CSE1L: variants seen among roughly 807,000 people sequenced by gnomAD.
CSE1L encodes the protein exportin-2.
A neutral mutation model predicts 120.4 loss-of-function variants in CSE1L; 24 were observed. The observed-to-expected ratio is 0.20, with a 90% CI of 0.14 to 0.28. CSE1L has a LOEUF of 0.28. Among genes scored for constraint, CSE1L ranks in the 10% least tolerant of loss-of-function variants. The probability of loss-of-function intolerance (pLI) is 1.00; values close to 1 mark genes in which losing one functional copy is unlikely to be tolerated. For synonymous variants in CSE1L, 402 were observed against 398.3 expected (o/e 1.01, Z -0.11); for missense variants, 830 against 1,145.2 (o/e 0.72, Z 3.97).
chr20:49,072,564 C>T lies in CSE1L; in HGVS notation c.937-4C>T. ...AATATTCTTGTTTTTGTGTTTTGTT[C>T]CAGTTGGTAAGTAATGCAATTCAAT... On this transcript the variant is annotated splice_polypyrimidine_tract_variant and splice_region_variant and intron_variant, in intron 9 of 24. Transcript: ENST00000262982. The T allele has an allele frequency of 6.2e-7, 1 of 1,607,014 alleles. No homozygotes were observed. Among genetic ancestry groups the T allele is most frequent in the Non-Finnish European group, 8.5e-7 (1 of 1,176,960 alleles).
At chr20:49,052,068 T>G (rs1460843937) in intron 1 of CSE1L, among the ~76,000 whole-genome samples, 1 of 152,216 alleles carries the variant, frequency 6.6e-6, no homozygotes, top group Admixed American at 6.5e-5. Context: ...GTTAAGTTGG[T>G]CATTTGTTCA....
chr20:49,075,239 A>G (rs2091960794), intron 11 of CSE1L, 79 bp from the exon 12 acceptor site: 1 of 1,193,996 alleles, frequency 8.4e-7, no homozygotes, highest in Non-Finnish European at 1.2e-6. Context: ...ATTCCAGGCA[A>G]TTTGTTTTCT....
rs183021864 is a variant in CSE1L at position 49,067,187 on chromosome 20, T to C, written c.477-3T>C. On this transcript the variant is annotated splice_polypyrimidine_tract_variant and splice_region_variant and intron_variant, in intron 5 of 24. Transcript: ENST00000262982. The stretch of plus-strand genomic sequence containing the variant: ...ATTTATCTGTTTTACCTTAATTTTC[T>C]AGATACCGTCATGAATTTAAGTCAA... The C allele has an allele frequency of 1.2e-3, 1,972 of 1,589,750 alleles. 6 individuals carry two copies. The highest frequency in any genetic ancestry group is 1.2e-3 in the Non-Finnish European group (1,442 of 1,163,090).
chr20:49,065,585 A>ATTT (rs1568769284), intron 3 of CSE1L, among the ~76,000 whole-genome samples: 34 of 77,328 alleles, frequency 4.4e-4, no homozygotes, highest in African/African-American at 1.5e-3. Flanking sequence ...CTAAAATGGA[A>ATTT]ATTTTTTTTT....
At chr20:49,055,590 G>A (rs1252258662) in intron 1 of CSE1L, among the ~76,000 whole-genome samples, 1 of 152,058 alleles carries the variant, frequency 6.6e-6, no homozygotes, top group Non-Finnish European at 1.5e-5. Context: ...GGTTGATTGC[G>A]CCTGTAGTCC....
At chr20:49,067,928 C>CTTTTTTTT (rs10567768) in intron 6 of CSE1L, among the ~76,000 whole-genome samples, 86 of 78,484 alleles carry the variant, frequency 1.1e-3, no homozygotes, top group East Asian at 2.2e-3. Flanking sequence ...TTCCCTCTCT[C>CTTTTTTTT]TTTTTTTTTT....
intron 6 of CSE1L, 84 bp downstream of exon 6, chr20:49,067,364 A>C: frequency 1.1e-6 from 1 of 886,582 alleles, no homozygotes; most frequent in East Asian, 2.7e-5. Flanking sequence ...GAATGCTTTG[A>C]AAGCTTATTT....
At chr20:49,046,836 C>T (rs996550169) in intron 1 of CSE1L, among the ~76,000 whole-genome samples, 4 of 152,234 alleles carry the variant, frequency 2.6e-5, no homozygotes, top group Non-Finnish European at 5.9e-5. Context: ...CTGCTAGCCG[C>T]GCGAGCTGAG....
Position 49,096,309 on chromosome 20 carries a change from A to G in CSE1L, c.2827-40A>G, listed in dbSNP as rs749928011. 6 of 1,510,376 alleles carry G rather than the reference A, an allele frequency of 4.0e-6. No individual in the cohort carries two copies. The South Asian group carries it at 6.7e-5, about 17-fold the overall frequency. 93.6% of individuals were successfully genotyped at this position (1,510,376 alleles called of 1,614,324 possible). A position where few individuals can be genotyped will look rare whatever the true frequency, so the allele number is the denominator to read the frequency against. Reference sequence around the variant, plus strand: ...AGATGGGGTTTGTATTGGCGCACCAAGATCTCCAACAGCCAGTGTGTGTTT... The same window carrying G: ...AGATGGGGTTTGTATTGGCGCACCAGGATCTCCAACAGCCAGTGTGTGTTT... On this transcript the variant is annotated intron_variant, in intron 24 of 24. Coordinates refer to ENST00000262982, the MANE Select transcript of CSE1L (RefSeq NM_001316.4).
At chr20:49,087,827 C>T (rs1366870491) in intron 16 of CSE1L, among the ~76,000 whole-genome samples, 182 bp from the exon 17 acceptor site, 2 of 151,940 alleles carry the variant, frequency 1.3e-5, no homozygotes, top group African/African-American at 2.4e-5. Context: ...TGTTGCCAAC[C>T]CGTCCTAATT....
chr20:49,070,501 T>A (rs919664876), intron 8 of CSE1L, among the ~76,000 whole-genome samples: 1 of 152,260 alleles, frequency 6.6e-6, no homozygotes, highest in East Asian at 1.9e-4. Context: ...AGCCATAGTG[T>A]ACATATAAGG....
At position 49,092,139 on chromosome 20, in the gene CSE1L, TTTA is replaced by T; in HGVS notation, c.2447+18_2447+20del. 4 of 1,448,034 alleles carry T rather than the reference TTTA, an allele frequency of 2.8e-6. No homozygotes were observed. The highest frequency in any genetic ancestry group is 1.4e-5 in the African/African-American group (1 of 69,920). The allele number at this position is 1,448,034 out of a possible 1,614,324, so 89.7% of individuals were successfully genotyped here. A position where few individuals can be genotyped will look rare whatever the true frequency, so the allele number is the denominator to read the frequency against. ...GGTATACAACCAAAGTAAGTTTGTT[TTTA>T]TTATTTTTTAAAGGAAGAAAATGTT... On this transcript the variant is annotated intron_variant, in intron 22 of 24. Transcript: ENST00000262982.
intron 15 of CSE1L, among the ~76,000 whole-genome samples, chr20:49,084,393 A>G (rs1009225860): frequency 6.6e-6 from 1 of 152,242 alleles, no homozygotes; most frequent in African/African-American, 2.4e-5. Context: ...GATAAAGTTA[A>G]TAAACAGAAA....
intron 16 of CSE1L, among the ~76,000 whole-genome samples, chr20:49,086,142 C>T (rs1387087283): frequency 9.9e-5 from 15 of 152,080 alleles, no homozygotes; most frequent in Non-Finnish European, 1.6e-4. Context: ...GTCCTGGTGC[C>T]AGCTCTGAAT....
At chr20:49,050,816 C>T (rs922843760) in intron 1 of CSE1L, among the ~76,000 whole-genome samples, 2 of 152,148 alleles carry the variant, frequency 1.3e-5, no homozygotes, top group Non-Finnish European at 2.9e-5. Context: ...CCCATCTCCA[C>T]CTCCCAAAGT....
intron 3 of CSE1L, among the ~76,000 whole-genome samples, chr20:49,065,674 A>G (rs1427287068): frequency 7.1e-6 from 1 of 140,776 alleles, no homozygotes. Context: ...GCTCCCTGCA[A>G]CCTCCACCTC....
At chr20:49,090,203 TTTAG>T (rs764146189) in intron 19 of CSE1L, among the ~76,000 whole-genome samples, 8 of 152,170 alleles carry the variant, frequency 5.3e-5, no homozygotes, top group African/African-American at 9.7e-5. Context: ...TTCTGTATCC[TTTAG>T]TTATTTATAT....
At chr20:49,075,941 C>T (rs1285648482) in intron 12 of CSE1L, among the ~76,000 whole-genome samples, 3 of 151,992 alleles carry the variant, frequency 2.0e-5, no homozygotes, top group Non-Finnish European at 4.4e-5. Context: ...GAGCGACTCT[C>T]CTGCCTCAGC....
chr20:49,054,104 A>G (rs2091788928), intron 1 of CSE1L, among the ~76,000 whole-genome samples: 1 of 152,198 alleles, frequency 6.6e-6, no homozygotes, highest in South Asian at 2.1e-4. Context: ...CTCTCAATAG[A>G]TTGTATGTGT....
Sources: gnomAD v4.1 joint callset for allele counts (sites outside exome capture counted in the v4.1 genomes callset) on GRCh38, gnomAD v4.1.1 for gene constraint, MANE v1.5 for transcripts, NCBI Gene and HGNC (gene_info 2026-07-23, HGNC 2026-07-21) for gene names.